Variants in LRRC4C observed in about 807,000 individuals in gnomAD.
LRRC4C encodes the protein leucine rich repeat containing 4C.
Under a neutral mutation model 33.6 loss-of-function variants are expected in LRRC4C, and 5 were observed. The ratio of observed to expected loss-of-function variants is 0.15; its 90% CI spans 0.08 to 0.31. The LOEUF (loss-of-function observed/expected upper bound fraction) is 0.31. Ranked by LOEUF, LRRC4C falls within the 10% of genes least tolerant of loss-of-function variation. The pLI, the probability that LRRC4C is intolerant of heterozygous loss-of-function variation, is 1.00. For synonymous variants in LRRC4C, 329 were observed against 302.0 expected (o/e 1.09, Z -0.93); for missense variants, 560 against 796.7 (o/e 0.70, Z 3.58).
intron 3 of LRRC4C, among the ~76,000 whole-genome samples, chr11:40,645,946 A>C (rs1942424673): frequency 6.6e-6 from 1 of 151,986 alleles, no homozygotes; most frequent in African/African-American, 2.4e-5. Flanking sequence ...CAGTATTCTA[A>C]ATTCTAATAA....
intron 1 of LRRC4C, among the ~76,000 whole-genome samples, chr11:41,075,216 T>C (rs185796071): frequency 1.1e-4 from 16 of 152,078 alleles, no homozygotes; most frequent in Admixed American, 6.6e-4. Context: ...CTCTTCTGAG[T>C]TCCTCCTTGA....
intron 5 of LRRC4C, among the ~76,000 whole-genome samples, chr11:40,222,208 G>C (rs934428575): frequency 7.9e-5 from 12 of 152,124 alleles, no homozygotes; most frequent in Non-Finnish European, 1.2e-4. Flanking sequence ...TGACACTCAG[G>C]AGTTCTAATT....
intron 1 of LRRC4C, among the ~76,000 whole-genome samples, chr11:41,454,262 A>C (rs1351713239): frequency 6.6e-6 from 1 of 152,148 alleles, no homozygotes; most frequent in Non-Finnish European, 1.5e-5. Context: ...TATGTTCTTG[A>C]ACAAAATAAA....
chr11:41,132,323 T>C (rs889689912), intron 1 of LRRC4C, among the ~76,000 whole-genome samples: 1 of 152,188 alleles, frequency 6.6e-6, no homozygotes, highest in African/African-American at 2.4e-5. Context: ...AGTTTGACCA[T>C]AGATATTCAT....
chr11:40,918,457 G>A (rs1252780013), intron 2 of LRRC4C, among the ~76,000 whole-genome samples: 1 of 151,790 alleles, frequency 6.6e-6, no homozygotes, highest in Non-Finnish European at 1.5e-5. Context: ...TTTGGGGAGA[G>A]TTTCCCAGAA....
intron 5 of LRRC4C, among the ~76,000 whole-genome samples, chr11:40,153,544 A>G (rs2135143242): frequency 6.6e-6 from 1 of 151,934 alleles, no homozygotes; most frequent in South Asian, 2.1e-4. Context: ...AAAAAATGAT[A>G]TTAAGAAGTG....
rs1000203824 is a variant in LRRC4C at position 40,749,254 on chromosome 11, G to T, written c.-406-100976C>A. ...AACAAATTCAACATTTACTTTAAGTGAAATCATATCAAGTGTCTTTTCATA... is the reference window on the plus strand; with the variant it reads ...AACAAATTCAACATTTACTTTAAGTTAAATCATATCAAGTGTCTTTTCATA... On this transcript the variant is annotated intron_variant, in intron 2 of 6. Transcript: ENST00000528697. 4.6e-5 allele frequency among the ~76,000 whole-genome samples: 7 copies of T among 151,990 alleles called. No individual in the cohort carries two copies. In the South Asian group the frequency reaches 1.4e-3, roughly 31 times the overall value.
chr11:40,585,652 GTGA>G (rs1565530374), intron 3 of LRRC4C, among the ~76,000 whole-genome samples: 1 of 123,228 alleles, frequency 8.1e-6, no homozygotes, highest in Non-Finnish European at 1.6e-5. Context: ...TCCCCAGAGT[GTGA>G]TGTTCCCCTT....
intron 5 of LRRC4C, among the ~76,000 whole-genome samples, chr11:40,235,828 T>G (rs553494701): frequency 6.6e-6 from 1 of 152,180 alleles, no homozygotes; most frequent in East Asian, 1.9e-4. Flanking sequence ...CCCAATTCCA[T>G]GGATCTGTTC....
intron 1 of LRRC4C, among the ~76,000 whole-genome samples, chr11:41,024,635 A>G (rs1482589269): frequency 6.6e-6 from 1 of 151,830 alleles, no homozygotes; most frequent in African/African-American, 2.4e-5. Flanking sequence ...TGGCTACGGC[A>G]TTATATGGCT....
intron 2 of LRRC4C, among the ~76,000 whole-genome samples, chr11:40,872,675 A>G (rs1954709063): frequency 6.6e-6 from 1 of 152,266 alleles, no homozygotes; most frequent in South Asian, 2.1e-4. Context: ...CAGCTACTCT[A>G]TGAGCTTGGA....
chr11:41,122,179 T>G (rs1334088627), intron 1 of LRRC4C, among the ~76,000 whole-genome samples: 1 of 152,074 alleles, frequency 6.6e-6, no homozygotes, highest in African/African-American at 2.4e-5. Context: ...ATCAGGAAAA[T>G]ACTGCTGAAC....
At chr11:40,370,648 G>GCTT (rs1385899947) in intron 3 of LRRC4C, among the ~76,000 whole-genome samples, 2 of 152,106 alleles carry the variant, frequency 1.3e-5, no homozygotes, top group African/African-American at 4.8e-5. Context: ...GATTGAGAGG[G>GCTT]CTTCTTTCAG....
chr11:41,081,488 T>G (rs569928631), intron 1 of LRRC4C, among the ~76,000 whole-genome samples: 1 of 152,272 alleles, frequency 6.6e-6, no homozygotes, highest in African/African-American at 2.4e-5. Flanking sequence ...GTATTTCTGC[T>G]TGAGGAGTCA....
chr11:41,270,205 A>G (rs1414044211), intron 1 of LRRC4C, among the ~76,000 whole-genome samples: 2 of 152,074 alleles, frequency 1.3e-5, no homozygotes, highest in Middle Eastern at 3.2e-3. Flanking sequence ...AAACTGTCCT[A>G]TCCAAAAATT....
chr11:40,369,086 TTATC>T (rs1948338390), intron 3 of LRRC4C, among the ~76,000 whole-genome samples: 1 of 152,180 alleles, frequency 6.6e-6, no homozygotes, highest in African/African-American at 2.4e-5. Context: ...CACTCAATGT[TTATC>T]TATTGATAAC....
chr11:41,284,017 A>G (rs1185622049), intron 1 of LRRC4C, among the ~76,000 whole-genome samples: 1 of 152,216 alleles, frequency 6.6e-6, no homozygotes, highest in Non-Finnish European at 1.5e-5. Flanking sequence ...TTTGATTTGT[A>G]CTGACATAAA....
In LRRC4C at chr11:40,323,023, A is replaced by G. The variant is rs536715465; in HGVS notation, c.-269-3302T>C. ...TCATGGTAACTTTATTTGACTCACC[A>G]ATGAAATGAGAAAGTCACAAATCTC... On this transcript the variant is annotated intron_variant, in intron 3 of 6. Transcript: ENST00000528697. Among the ~76,000 whole-genome samples, 4 of 152,346 alleles carry G rather than the reference A, an allele frequency of 2.6e-5. No homozygotes were observed. The East Asian group carries it at 7.7e-4, about 29-fold the overall frequency.
At chr11:40,268,107 C>A (rs1942420271) in intron 4 of LRRC4C, among the ~76,000 whole-genome samples, 1 of 152,116 alleles carries the variant, frequency 6.6e-6, no homozygotes, top group African/African-American at 2.4e-5. Flanking sequence ...ACCACTTTTT[C>A]ATATAGTACA....
Sources: allele counts gnomAD v4.1 joint callset (sites outside exome capture counted in the v4.1 genomes callset), GRCh38; gene constraint gnomAD v4.1.1; transcripts MANE v1.5; gene names NCBI Gene and HGNC (gene_info 2026-07-23, HGNC 2026-07-21).